RRAS2: variants seen among roughly 807,000 people sequenced by gnomAD.
RRAS2 encodes the protein ras-related protein R-Ras2.
In RRAS2, 7 loss-of-function variants were observed where a neutral mutation model predicts 27.6. That is an observed-to-expected ratio of 0.25 (90% CI 0.14 to 0.48). The LOEUF is 0.48. Ranked by LOEUF, RRAS2 falls within the 20% of genes least tolerant of loss-of-function variation. The pLI, the probability that RRAS2 is intolerant of heterozygous loss-of-function variation, is 0.99. For missense variants in RRAS2, 178 were observed against 256.2 expected (o/e 0.69, Z 2.08); for synonymous variants, 86 against 90.9 (o/e 0.95, Z 0.31).
chr11:14,314,246 G>A (rs1848042196), intron 1 of RRAS2, among the ~76,000 whole-genome samples: 1 of 152,204 alleles, frequency 6.6e-6, no homozygotes, highest in South Asian at 2.1e-4. Flanking sequence ...GTCTATGATG[G>A]AAATTCTGAT....
Position 14,326,857 on chromosome 11 carries a change from G to A in RRAS2, c.109-31002C>T, listed in dbSNP as rs1460204367. ...GGGCGGATCACGAGGTCAGGAGATC[G>A]AGACCATCCCGGCTAAAACGGTGAA... is the stretch of plus-strand genomic sequence containing the variant. On this transcript the variant is annotated intron_variant, in intron 1 of 5. Transcript: ENST00000256196. 1.1e-3 allele frequency among the ~76,000 whole-genome samples: 20 copies of A among 17,592 alleles called. 6 individuals carry two copies. Among genetic ancestry groups the A allele is most frequent in the African/African-American group, 1.7e-3 (16 of 9,330 alleles). 11.5% of individuals were successfully genotyped at this position (17,592 alleles called of 152,430 possible).
intron 1 of RRAS2, among the ~76,000 whole-genome samples, chr11:14,313,487 T>C (rs1253843957): frequency 6.6e-6 from 1 of 152,208 alleles, no homozygotes; most frequent in African/African-American, 2.4e-5. Flanking sequence ...AAAAAAGATA[T>C]ATCCAACTCC....
At chr11:14,321,107 G>A (rs1176974598) in intron 1 of RRAS2, among the ~76,000 whole-genome samples, 1 of 151,836 alleles carries the variant, frequency 6.6e-6, no homozygotes, top group Non-Finnish European at 1.5e-5. Context: ...TTGAACCTGG[G>A]AGGCAGAGGT....
chr11:14,356,643 G>A (rs1481911695), intron 1 of RRAS2: 3 of 340,734 alleles, frequency 8.8e-6, no homozygotes, highest in South Asian at 2.3e-5. Context: ...TAAGACTCAA[G>A]GTTCATACTC....
At chr11:14,356,893 T>C (rs1849088564) in intron 1 of RRAS2, 1 of 384,058 alleles carries the variant, frequency 2.6e-6, no homozygotes, top group Admixed American at 3.3e-5. Flanking sequence ...GTTCAAGCGA[T>C]TCTACTGCCT....
At chr11:14,314,329 G>GT (rs1382720580) in intron 1 of RRAS2, among the ~76,000 whole-genome samples, 2 of 152,128 alleles carry the variant, frequency 1.3e-5, no homozygotes, top group Non-Finnish European at 2.9e-5. Context: ...TGTCATGGGG[G>GT]TTTCCAGCGA....
intron 1 of RRAS2, among the ~76,000 whole-genome samples, chr11:14,319,190 C>A (rs189885294): frequency 1.3e-3 from 193 of 152,246 alleles, no homozygotes; most frequent in African/African-American, 4.0e-3. Flanking sequence ...CATGGAGTAA[C>A]ATGTCCAGAT....
intron 1 of RRAS2, among the ~76,000 whole-genome samples, chr11:14,316,172 T>C (rs1848099532): frequency 6.6e-6 from 1 of 152,152 alleles, no homozygotes; most frequent in Non-Finnish European, 1.5e-5. Context: ...ATTTACATAA[T>C]GGAAAGTGAC....
upstream of RRAS2, among the ~76,000 whole-genome samples, chr11:14,363,962 C>T (rs574803761): frequency 1.8e-4 from 27 of 150,046 alleles, no homozygotes; most frequent in East Asian, 4.8e-3. Flanking sequence ...CCCAGCTACT[C>T]GGGAGGCTAA....
At chr11:14,343,021 G>T (rs1306954507) in intron 1 of RRAS2, among the ~76,000 whole-genome samples, 1 of 152,152 alleles carries the variant, frequency 6.6e-6, no homozygotes, top group African/African-American at 2.4e-5. Context: ...TAAAAGAAAA[G>T]GAATGTGGGG....
intron 1 of RRAS2, among the ~76,000 whole-genome samples, chr11:14,340,654 G>A (rs1252382647): frequency 6.6e-6 from 1 of 152,148 alleles, no homozygotes; most frequent in African/African-American, 2.4e-5. Context: ...TACCGTAAGA[G>A]TTAGACCCTT....
Position 14,359,174 on chromosome 11 carries a change from A to C in RRAS2, c.-304T>G. ...AACGCAGCCTCCAGCGCCGCCACAA[A>C]TGGCCGTCTGGGGGCCGGGCTGCCA... On this transcript the variant is annotated 5_prime_UTR_variant, in exon 1 of 6. Coordinates refer to ENST00000256196, the MANE Select transcript of RRAS2 (RefSeq NM_012250.6). The C allele has an allele frequency of 3.0e-6, 3 of 985,866 alleles. No homozygotes were observed. Among genetic ancestry groups the C allele is most frequent in the East Asian group, 1.2e-4 (1 of 8,586 alleles). The allele number at this position is 985,866 out of a possible 1,614,324, so 61.1% of individuals were successfully genotyped here. A position where few individuals can be genotyped will look rare whatever the true frequency, so the allele number is the denominator to read the frequency against.
chr11:14,362,860 G>C (rs1849208119), upstream of RRAS2, among the ~76,000 whole-genome samples: 1 of 152,344 alleles, frequency 6.6e-6, no homozygotes, highest in East Asian at 1.9e-4. Context: ...GAAGCAGTGT[G>C]ATGCTGCCAG....
intron 1 of RRAS2, among the ~76,000 whole-genome samples, chr11:14,334,729 C>CTTTT (rs1238099555): frequency 2.0e-5 from 3 of 152,134 alleles, no homozygotes; most frequent in Non-Finnish European, 4.4e-5. Context: ...TTCTGCCCAT[C>CTTTT]TTTTATCCTT....
At chr11:14,290,167 C>T (rs1265417269) in intron 4 of RRAS2, among the ~76,000 whole-genome samples, 4 of 152,166 alleles carry the variant, frequency 2.6e-5, no homozygotes, top group Admixed American at 2.6e-4. Flanking sequence ...AAGGTAAAAA[C>T]CGGCTGGGCG....
intron 1 of RRAS2, among the ~76,000 whole-genome samples, chr11:14,351,640 G>A (rs1332232666): frequency 1.3e-5 from 2 of 151,974 alleles, no homozygotes; most frequent in Non-Finnish European, 2.9e-5. Flanking sequence ...TGAGGCAGGA[G>A]AATGGCTTGA....
intron 4 of RRAS2, 99 bp from the exon 5 acceptor site, chr11:14,281,819 CCAAGTTGTTTTATCATAA>C (rs1357244721): frequency 2.9e-6 from 3 of 1,040,482 alleles, no homozygotes; most frequent in Non-Finnish European, 4.2e-6. Flanking sequence ...AGCCAAGAGG[CCAAGTTGTTTTATCATAA>C]GGTGAAACAA....
intron 1 of RRAS2, among the ~76,000 whole-genome samples, chr11:14,318,344 A>C (rs1554949800): frequency 1.3e-5 from 2 of 152,138 alleles, no homozygotes; most frequent in African/African-American, 2.4e-5. Context: ...ACCTACTAAA[A>C]GCACAAAAAT....
chr11:14,360,567 A>ATT (rs34348752), upstream of RRAS2, among the ~76,000 whole-genome samples: 1 of 148,026 alleles, frequency 6.8e-6, no homozygotes, highest in African/African-American at 2.5e-5. Context: ...AGATCAGGTA[A>ATT]TTTTTTTTTT....
Sources: gnomAD v4.1 joint callset for allele counts (sites outside exome capture counted in the v4.1 genomes callset) on GRCh38, gnomAD v4.1.1 for gene constraint, MANE v1.5 for transcripts, NCBI Gene and HGNC (gene_info 2026-07-23, HGNC 2026-07-21) for gene names.